Variants in SNTG2 observed in about 807,000 individuals in gnomAD.
SNTG2 encodes the protein syntrophin gamma 2.
Under a neutral mutation model 70.9 loss-of-function variants are expected in SNTG2, and 74 were observed. That is an observed-to-expected ratio of 1.04 (90% CI 0.86 to 1.27). SNTG2 has a LOEUF of 1.27. SNTG2 is among the 50% of genes most tolerant of loss of function. The probability of loss-of-function intolerance (pLI) is 0.00; values close to 1 mark genes in which losing one functional copy is unlikely to be tolerated. For missense variants in SNTG2, 717 were observed against 690.7 expected, an observed-to-expected ratio of 1.04 and a Z score of -0.43; for synonymous variants, 278 against 273.8, an observed-to-expected ratio of 1.02 and a Z score of -0.15.
intron 8 of SNTG2, among the ~76,000 whole-genome samples, chr2:1,199,788 T>G (rs1415971531): frequency 6.6e-6 from 1 of 151,724 alleles, no homozygotes; most frequent in Non-Finnish European, 1.5e-5. Flanking sequence ...TGAAAAAATA[T>G]TTAGGAATAA....
At chr2:1,358,919 T>C (rs1294932210) in intron 16 of SNTG2, among the ~76,000 whole-genome samples, 1 of 152,132 alleles carries the variant, frequency 6.6e-6, no homozygotes, top group African/African-American at 2.4e-5. Context: ...TAAGACTTAT[T>C]AAAAGGGTGA....
intron 1 of SNTG2, among the ~76,000 whole-genome samples, chr2:1,077,356 A>G (rs991475382): frequency 3.9e-5 from 6 of 152,132 alleles, no homozygotes; most frequent in African/African-American, 4.8e-5. Flanking sequence ...CCTTTTAAAC[A>G]TTTACCTGCC....
At chr2:959,394 A>G (rs980640190) in intron 1 of SNTG2, among the ~76,000 whole-genome samples, 1 of 152,168 alleles carries the variant, frequency 6.6e-6, no homozygotes, top group Non-Finnish European at 1.5e-5. Flanking sequence ...AGCTTTATCA[A>G]ATTTTGTCGT....
chr2:1,075,129 A>G (rs796657607), intron 1 of SNTG2, among the ~76,000 whole-genome samples: 39 of 152,014 alleles, frequency 2.6e-4, no homozygotes, highest in African/African-American at 9.4e-4. Flanking sequence ...CCAAAGTCAC[A>G]TAACTAAGAA....
At chr2:1,197,489 G>GTA (rs1302314056) in intron 8 of SNTG2, among the ~76,000 whole-genome samples, 1 of 126,700 alleles carries the variant, frequency 7.9e-6, no homozygotes. Flanking sequence ...ATATATATGT[G>GTA]TATGTATATA....
chr2:1,176,310 G>A (rs1572649698), intron 8 of SNTG2, among the ~76,000 whole-genome samples: 1 of 152,140 alleles, frequency 6.6e-6, no homozygotes, highest in African/African-American at 2.4e-5. Flanking sequence ...AGGGTGAAGG[G>A]TGGGAGGAGG....
chr2:1,334,383 G>T (rs1347351637), intron 16 of SNTG2, among the ~76,000 whole-genome samples: 1 of 152,122 alleles, frequency 6.6e-6, no homozygotes, highest in Non-Finnish European at 1.5e-5. Context: ...AAAACAGTGT[G>T]GAGATTCCTT....
intron 16 of SNTG2, among the ~76,000 whole-genome samples, chr2:1,350,486 A>G (rs1196514120): frequency 6.6e-6 from 1 of 152,220 alleles, no homozygotes. Context: ...ACTAATCTGT[A>G]TGGTGCTTCT....
At chr2:1,355,009 G>A (rs1660767962) in intron 16 of SNTG2, among the ~76,000 whole-genome samples, 3 of 152,332 alleles carry the variant, frequency 2.0e-5, no homozygotes, top group Admixed American at 2.0e-4. Context: ...GTGAAACAGG[G>A]AATGTATCGT....
intron 15 of SNTG2, among the ~76,000 whole-genome samples, chr2:1,314,524 C>G (rs1294452673): frequency 1.3e-5 from 2 of 152,208 alleles, no homozygotes; most frequent in Non-Finnish European, 2.9e-5. Context: ...GCTCGGGCAG[C>G]TCCCTCACTG....
intron 1 of SNTG2, among the ~76,000 whole-genome samples, chr2:1,035,600 G>A (rs1661085782): frequency 6.6e-6 from 1 of 152,182 alleles, no homozygotes; most frequent in African/African-American, 2.4e-5. Flanking sequence ...TGCATATGGT[G>A]TTGGTTGCTA....
At chr2:1,017,643 A>T (rs1217151226) in intron 1 of SNTG2, among the ~76,000 whole-genome samples, 3 of 152,234 alleles carry the variant, frequency 2.0e-5, no homozygotes, top group African/African-American at 7.2e-5. Flanking sequence ...GAATATACAG[A>T]TGCACACCAT....
intron 1 of SNTG2, among the ~76,000 whole-genome samples, chr2:1,069,557 C>T (rs1470775390): frequency 1.3e-5 from 2 of 151,568 alleles, no homozygotes; most frequent in African/African-American, 4.8e-5. Context: ...CTTTGGGAGG[C>T]CTAGACAGGG....
intron 2 of SNTG2, among the ~76,000 whole-genome samples, chr2:1,095,617 T>C (rs539198310): frequency 5.9e-5 from 9 of 152,210 alleles, no homozygotes; most frequent in Non-Finnish European, 1.3e-4. Context: ...TTTTAGGGTA[T>C]TTCAGGATAT....
chr2:1,259,027 C>T (rs1678272127), intron 12 of SNTG2, among the ~76,000 whole-genome samples: 1 of 152,164 alleles, frequency 6.6e-6, no homozygotes, highest in African/African-American at 2.4e-5. Flanking sequence ...CTAATTTAAT[C>T]TAAAAGGAAT....
intron 16 of SNTG2, among the ~76,000 whole-genome samples, chr2:1,324,183 G>A (rs775665704): frequency 9.8e-5 from 15 of 152,288 alleles, no homozygotes; most frequent in South Asian, 2.1e-4. Flanking sequence ...GTCACATGGC[G>A]GAGACTCCCC....
intron 16 of SNTG2, among the ~76,000 whole-genome samples, chr2:1,348,058 C>T (rs1660387812): frequency 6.6e-6 from 1 of 151,866 alleles, no homozygotes; most frequent in Non-Finnish European, 1.5e-5. Context: ...CGGGTTGCAA[C>T]TCTCAAGCTT....
At chr2:1,044,886 G>A (rs1661640728) in intron 1 of SNTG2, among the ~76,000 whole-genome samples, 1 of 151,818 alleles carries the variant, frequency 6.6e-6, no homozygotes. Flanking sequence ...GTTTTGGTAT[G>A]ATGCTGGCTT....
intron 1 of SNTG2, among the ~76,000 whole-genome samples, chr2:957,820 A>T (rs538575986): frequency 1.6e-4 from 25 of 152,278 alleles, no homozygotes; most frequent in African/African-American, 6.0e-4. Context: ...GAGCCTCTGG[A>T]GGAATTTGAT....
Sources: gnomAD v4.1 joint callset for allele counts (sites outside exome capture counted in the v4.1 genomes callset) on GRCh38, gnomAD v4.1.1 for gene constraint, MANE v1.5 for transcripts, NCBI Gene and HGNC (gene_info 2026-07-23, HGNC 2026-07-21) for gene names.